Variants in PPP1R12A observed in about 807,000 individuals in gnomAD.
PPP1R12A encodes the protein myosin binding subunit.
A neutral mutation model predicts 139.6 loss-of-function variants in PPP1R12A; 19 were observed. The ratio of observed to expected loss-of-function variants is 0.14; its 90% CI spans 0.09 to 0.20. The LOEUF is 0.20. Among genes scored for constraint, PPP1R12A ranks in the 10% least tolerant of loss-of-function variants. PPP1R12A has a pLI of 1.00. For synonymous variants in PPP1R12A, 427 were observed against 420.6 expected (o/e 1.02, Z -0.19); for missense variants, 925 against 1,211.5 (o/e 0.76, Z 3.51).
Position 79,852,809 on chromosome 12 carries a change from G to A in PPP1R12A, c.369-7389C>T, listed in dbSNP as rs142643829. Among the ~76,000 whole-genome samples, 7 of 152,280 alleles carry A rather than the reference G, an allele frequency of 4.6e-5. No individual in the cohort carries two copies. In the East Asian group the frequency reaches 1.2e-3, roughly 25 times the overall value. On this transcript the variant is annotated intron_variant, in intron 2 of 24. Transcript: ENST00000450142. ...GCCTCTACTAATACCCCTGGGTGCT[G>A]GGGGTTGGGGTGCATAGGTAGAGAA...
intron 24 of PPP1R12A, among the ~76,000 whole-genome samples, chr12:79,777,948 AATAT>A (rs751679923): frequency 6.7e-4 from 102 of 152,296 alleles, no homozygotes; most frequent in Non-Finnish European, 1.2e-3. Context: ...CTGTGGGTAC[AATAT>A]ACTTACTATG....
intron 2 of PPP1R12A, among the ~76,000 whole-genome samples, chr12:79,853,634 A>G (rs999455934): frequency 2.6e-5 from 4 of 152,234 alleles, no homozygotes; most frequent in African/African-American, 7.2e-5. Context: ...ACTCTTAAAC[A>G]TAGGAAATGC....
Position 79,907,284 on chromosome 12 carries a change from A to G in PPP1R12A, c.237+27411T>C, listed in dbSNP as rs554798553. ...TAGCTCTACTAAAACTCATCTGCTC[A>G]TGATTTCAATTTACAATAAACATAT... On this transcript the variant is annotated intron_variant, in intron 1 of 24. Coordinates refer to ENST00000450142, the MANE Select transcript of PPP1R12A (RefSeq NM_002480.3). 2.6e-5 allele frequency among the ~76,000 whole-genome samples: 4 copies of G among 152,322 alleles called. No individual in the cohort carries two copies. In the East Asian group the frequency reaches 5.8e-4, roughly 22 times the overall value.
At chr12:79,792,096 C>T (rs577702694) in intron 19 of PPP1R12A, among the ~76,000 whole-genome samples, 86 of 152,278 alleles carry the variant, frequency 5.6e-4, no homozygotes, top group African/African-American at 2.0e-3. Flanking sequence ...TGTAATTCCT[C>T]ATCCCTCCAT....
chr12:79,867,021 T>C (rs1365784134), intron 2 of PPP1R12A, among the ~76,000 whole-genome samples: 1 of 152,164 alleles, frequency 6.6e-6, no homozygotes. Context: ...CAGGTACACA[T>C]ATGTTTATTG....
chr12:79,795,488 A>T (rs1380526244), intron 18 of PPP1R12A, 150 bp downstream of exon 18: 8 of 851,158 alleles, frequency 9.4e-6, no homozygotes, highest in Non-Finnish European at 1.4e-5. Context: ...CTTAAAAATA[A>T]TTTTTCTTAT....
At chr12:79,895,301 G>A (rs989256919) in intron 1 of PPP1R12A, among the ~76,000 whole-genome samples, 6 of 152,002 alleles carry the variant, frequency 3.9e-5, no homozygotes, top group Non-Finnish European at 5.9e-5. Context: ...AGCAACTCCT[G>A]CAGATAATTT....
intron 1 of PPP1R12A, among the ~76,000 whole-genome samples, chr12:79,893,786 T>C (rs1400121458): frequency 6.6e-6 from 1 of 152,170 alleles, no homozygotes; most frequent in Non-Finnish European, 1.5e-5. Flanking sequence ...TATTAAACCA[T>C]CTTGGAGTTA....
rs530087630 is a variant in PPP1R12A at position 79,801,010 on chromosome 12, G to C, written c.2001-2426C>G. 4.0e-5 allele frequency among the ~76,000 whole-genome samples: 6 copies of C among 151,628 alleles called. No individual in the cohort carries two copies. In the East Asian group the frequency reaches 1.2e-3, roughly 30 times the overall value. On this transcript the variant is annotated intron_variant, in intron 14 of 24. Coordinates refer to ENST00000450142, the MANE Select transcript of PPP1R12A (RefSeq NM_002480.3). ...AGCCTCCCAAAGTGCTGGGATTACA[G>C]GCATGAGCCACTGTGCCCAGCTCAA...
chr12:79,816,949 T>C (rs1165856397), intron 9 of PPP1R12A, among the ~76,000 whole-genome samples: 1 of 152,156 alleles, frequency 6.6e-6, no homozygotes, highest in Non-Finnish European at 1.5e-5. Flanking sequence ...TAGATTTTAG[T>C]TCTCTCATTG....
At chr12:79,878,723 A>G (rs1883352691) in intron 1 of PPP1R12A, among the ~76,000 whole-genome samples, 1 of 152,132 alleles carries the variant, frequency 6.6e-6, no homozygotes, top group African/African-American at 2.4e-5. Context: ...AGTCCCTTAT[A>G]AAACCATCAG....
At chr12:79,809,686 A>T in intron 10 of PPP1R12A, 109 bp downstream of exon 10, 1 of 776,274 alleles carries the variant, frequency 1.3e-6, no homozygotes, top group Non-Finnish European at 2.1e-6. Flanking sequence ...AGGTTAATTA[A>T]CTTGATACCT....
chr12:79,900,816 A>G (rs1011786625), intron 1 of PPP1R12A, among the ~76,000 whole-genome samples: 1 of 152,200 alleles, frequency 6.6e-6, no homozygotes, highest in Non-Finnish European at 1.5e-5. Context: ...TTGTCCATCT[A>G]TTAAAAATCT....
At chr12:79,915,659 T>G (rs994750179) in intron 1 of PPP1R12A, among the ~76,000 whole-genome samples, 30 of 152,172 alleles carry the variant, frequency 2.0e-4, no homozygotes, top group African/African-American at 6.8e-4. Flanking sequence ...TTTCATCTTA[T>G]TATTTAAAAC....
chr12:79,806,034 C>T, intron 13 of PPP1R12A, 132 bp downstream of exon 13: 1 of 1,263,486 alleles, frequency 7.9e-7, no homozygotes, highest in Non-Finnish European at 1.1e-6. Flanking sequence ...CATTTTGGAA[C>T]CAATTTTTGT....
At chr12:79,929,263 G>A (rs995971614) in intron 1 of PPP1R12A, among the ~76,000 whole-genome samples, 4 of 152,130 alleles carry the variant, frequency 2.6e-5, no homozygotes, top group African/African-American at 7.2e-5. Flanking sequence ...CCAGTGTGTC[G>A]CTCACCTCCT....
intron 2 of PPP1R12A, among the ~76,000 whole-genome samples, chr12:79,861,739 C>T (rs1159156818): frequency 6.6e-6 from 1 of 152,128 alleles, no homozygotes; most frequent in East Asian, 1.9e-4. Flanking sequence ...AATGTGGGAG[C>T]TTGGCGGGGG....
At chr12:79,784,207 C>A (rs902682155) in intron 22 of PPP1R12A, among the ~76,000 whole-genome samples, 1 of 151,926 alleles carries the variant, frequency 6.6e-6, no homozygotes, top group Non-Finnish European at 1.5e-5. Context: ...AGGATAAATA[C>A]CTGAAAGTTG....
chr12:79,864,823 A>G (rs754350150), intron 2 of PPP1R12A, among the ~76,000 whole-genome samples: 6 of 151,602 alleles, frequency 4.0e-5, no homozygotes, highest in Non-Finnish European at 7.4e-5. Flanking sequence ...AATTGAGGCA[A>G]TAATAGCCTA....
Sources: gnomAD v4.1 joint callset for allele counts (sites outside exome capture counted in the v4.1 genomes callset) on GRCh38, gnomAD v4.1.1 for gene constraint, MANE v1.5 for transcripts, NCBI Gene and HGNC (gene_info 2026-07-23, HGNC 2026-07-21) for gene names.